SMTN: variants seen among roughly 807,000 people sequenced by gnomAD.
SMTN encodes the protein smoothelin.
In SMTN, 58 loss-of-function variants were observed where a neutral mutation model predicts 102.0. The ratio of observed to expected loss-of-function variants is 0.57; its 90% CI spans 0.46 to 0.71. SMTN has a LOEUF of 0.71. SMTN is among the 30% of genes least tolerant of loss of function. The pLI, the probability that SMTN is intolerant of heterozygous loss-of-function variation, is 0.00. For synonymous variants in SMTN, 478 were observed against 497.9 expected, an observed-to-expected ratio of 0.96 and a Z score of 0.53; for missense variants, 1,185 against 1,241.7, an observed-to-expected ratio of 0.95 and a Z score of 0.69.
At chr22:31,088,424 T>TTAAAAAA in intron 3 of SMTN, 89 bp from the exon 4 acceptor site, 19 of 1,165,414 alleles carry the variant, frequency 1.6e-5, no homozygotes, top group Admixed American at 1.3e-4. Context: ...GCCAAGGTTC[T>TTAAAAAA]GGGTACTCTG....
At chr22:31,077,685 C>T (rs1004620401), upstream of SMTN, among the ~76,000 whole-genome samples, 5 of 152,174 alleles carry the variant, frequency 3.3e-5, no homozygotes, top group South Asian at 2.1e-4. Flanking sequence ...TGTTCCAGCC[C>T]CTTGCCTCTC....
At chr22:31,085,976 A>G (rs2042669383) in intron 2 of SMTN, among the ~76,000 whole-genome samples, 1 of 152,220 alleles carries the variant, frequency 6.6e-6, no homozygotes, top group Non-Finnish European at 1.5e-5. Flanking sequence ...ATGGGGACCT[A>G]GGAGACAAAA....
At chr22:31,103,508 G>T (rs747462834) in intron 20 of SMTN, 1 of 152,248 alleles carries the variant, frequency 6.6e-6, no homozygotes. Context: ...GGTCCCATGC[G>T]GCCTAGCCTG....
intron 2 of SMTN, 168 bp from the exon 3 acceptor site, chr22:31,087,797 G>A: frequency 3.3e-6 from 2 of 608,548 alleles, no homozygotes; most frequent in South Asian, 2.5e-5. Flanking sequence ...GAAACAGTGG[G>A]CTGGGTCTAC....
intron 2 of SMTN, among the ~76,000 whole-genome samples, chr22:31,084,667 C>T (rs534365476): frequency 3.3e-5 from 5 of 152,370 alleles, no homozygotes; most frequent in East Asian, 1.9e-4. Context: ...CAGGCAGGCT[C>T]AGGGTTCTTC....
At chr22:31,101,306 C>A in intron 20 of SMTN, 2 of 435,426 alleles carry the variant, frequency 4.6e-6, no homozygotes, top group South Asian at 4.2e-5. Context: ...CAGGTCTGGG[C>A]CCCCCATCTG....
rs754703087 is a variant in SMTN, at chr22:31,085,192, T to C, written c.51+1883T>C. On this transcript the variant is annotated intron_variant, in intron 2 of 20. Coordinates refer to ENST00000333137, the MANE Select transcript of SMTN (RefSeq NM_134269.3). ...ACCTCCGCCACTCAGCTGGGTGTCC[T>C]GGGGACCTTGGTTTCTTCCCTTTAG... The C allele has an allele frequency of 9.8e-6, 15 of 1,535,446 alleles. No homozygotes were observed. In the South Asian group the frequency reaches 1.8e-4, roughly 18 times the overall value.
At chr22:31,096,658 C>T in intron 13 of SMTN, 75 bp from the exon 14 acceptor site, 1 of 1,448,914 alleles carries the variant, frequency 6.9e-7, no homozygotes, top group Non-Finnish European at 9.1e-7. Flanking sequence ...TCTTGTGTGC[C>T]CCATGCACCT....
chr22:31,090,770 T>C (rs1220109248), intron 8 of SMTN, 38 bp from the exon 9 acceptor site: 1 of 1,517,980 alleles, frequency 6.6e-7, no homozygotes, highest in Non-Finnish European at 9.2e-7. Flanking sequence ...TCTTTTCTCT[T>C]TCCCCACATG....
At chr22:31,090,244 T>G (rs2043020573) in intron 8 of SMTN, 64 bp downstream of exon 8, 5 of 1,398,610 alleles carry the variant, frequency 3.6e-6, no homozygotes, top group Non-Finnish European at 3.9e-6. Flanking sequence ...TCCCTTTCCC[T>G]GCCTAGAAAA....
chr22:31,081,021 G>A (rs1447842738), upstream of SMTN, among the ~76,000 whole-genome samples: 7 of 99,274 alleles, frequency 7.1e-5, no homozygotes. Context: ...AGACTCCTAC[G>A]ACCCCAGGAA....
intron 1 of SMTN, chr22:31,065,806 C>A (rs2041835749): frequency 7.4e-6 from 1 of 135,882 alleles, no homozygotes; most frequent in Non-Finnish European, 1.6e-5. Flanking sequence ...AGATCCATGA[C>A]CTTGCTGGGC....
rs2043814852 is a variant in SMTN at position 31,098,701 on chromosome 22, G to T, written c.2194G>T (p.Ala732Ser). 6.2e-7 allele frequency: 1 copy of T among 1,613,466 alleles called. No homozygotes were observed. The highest frequency in any genetic ancestry group is 1.3e-5 in the African/African-American group (1 of 74,928). Residue 732 changes from alanine to serine, a missense_variant, in exon 17 of 21, where the codon GCC (alanine) becomes TCC (serine). Physicochemically the swap from Ala to Ser is moderately conservative, Grantham distance 99. Transcript: ENST00000333137. ...CCGCGAGGACCAGGCCAGCCCACGG[G>T]CCGGCAGCCTGGCGGCGCTCGAGAA... The part of the protein sequence containing the change: ...FDREDQASPR[A>S]GSLAALEKRQ...
chr22:31,104,592 G>A lies in SMTN; in HGVS notation c.*297G>A. 1 of 904,622 alleles carries A rather than the reference G, an allele frequency of 1.1e-6. No homozygotes were observed. The highest frequency in any genetic ancestry group is 1.7e-6 in the Non-Finnish European group (1 of 584,576). 56.0% of individuals were successfully genotyped at this position (904,622 alleles called of 1,614,324 possible). On this transcript the variant is annotated 3_prime_UTR_variant, in exon 21 of 21. Coordinates refer to ENST00000333137, the MANE Select transcript of SMTN (RefSeq NM_134269.3). ...GACACCCTCCCCCCCACATACACAC[G>A]CAGCGTTTTGATAAATTATTGGTTT... is the stretch of plus-strand genomic sequence containing the variant.
At chr22:31,084,848 C>A in intron 2 of SMTN, 1 of 749,916 alleles carries the variant, frequency 1.3e-6, no homozygotes, top group Middle Eastern at 4.2e-4. Flanking sequence ...TCCTCCAGCA[C>A]CCGGCGCCCG....
upstream of SMTN, chr22:31,080,522 C>G (rs1017128718): frequency 6.6e-6 from 1 of 152,268 alleles, no homozygotes; most frequent in Admixed American, 6.5e-5. Context: ...TTTAGGGCCT[C>G]TGGCACTGAA....
At chr22:31,097,102 G>A (rs2043655141) in intron 15 of SMTN, 42 bp downstream of exon 15, 10 of 1,587,870 alleles carry the variant, frequency 6.3e-6, no homozygotes, top group Non-Finnish European at 7.8e-6. Flanking sequence ...CTGCCTGTCC[G>A]CCCACCTCCT....
rs1436599096 is a variant in SMTN at position 31,083,213 on chromosome 22, T to C, written c.-46T>C. The C allele has an allele frequency of 6.3e-7, 1 of 1,590,826 alleles. No homozygotes were observed. Among genetic ancestry groups the C allele is most frequent in the South Asian group, 1.2e-5 (1 of 86,870 alleles). On this transcript the variant is annotated 5_prime_UTR_variant, in exon 2 of 21. Coordinates refer to ENST00000333137, the MANE Select transcript of SMTN (RefSeq NM_134269.3). ...AGCTGGTGACAGGTGCCACAGGCAC[T>C]GGGGATCTCACCAGAAAGGAACCGA...
intron 20 of SMTN, chr22:31,103,890 T>C (rs2044289133): frequency 5.6e-6 from 1 of 179,908 alleles, no homozygotes; most frequent in Non-Finnish European, 1.2e-5. Context: ...GACCTATCCA[T>C]AGATAAAGAT....
Sources: allele counts gnomAD v4.1 joint callset (sites outside exome capture counted in the v4.1 genomes callset), GRCh38; gene constraint gnomAD v4.1.1; transcripts MANE v1.5; gene names NCBI Gene and HGNC (gene_info 2026-07-23, HGNC 2026-07-21).